The following ROBO2 variants were observed in gnomAD, a reference collection of about 807,000 sequenced individuals.
The protein encoded by ROBO2 is roundabout homolog 2.
In ROBO2, 53 loss-of-function variants were observed where a neutral mutation model predicts 160.8. That is an observed-to-expected ratio of 0.33 (90% CI 0.26 to 0.41). ROBO2 has a LOEUF of 0.41. ROBO2 is among the 10% of genes least tolerant of loss of function. ROBO2 has a pLI of 1.00. For missense variants in ROBO2, 1,577 were observed against 1,722.4 expected (o/e 0.92, Z 1.49); for synonymous variants, 664 against 611.7 (o/e 1.09, Z -1.26).
chr3:76,699,618 T>C (rs2093005333), intron 2 of ROBO2, among the ~76,000 whole-genome samples: 1 of 152,204 alleles, frequency 6.6e-6, no homozygotes, highest in African/African-American at 2.4e-5. Flanking sequence ...TAGTCCCATC[T>C]GCTCCATGTG....
intron 2 of ROBO2, among the ~76,000 whole-genome samples, chr3:76,755,241 A>G (rs2060901566): frequency 6.6e-6 from 1 of 151,846 alleles, no homozygotes; most frequent in African/African-American, 2.4e-5. Context: ...AATATTTACC[A>G]AACAGTTTTC....
intron 2 of ROBO2, among the ~76,000 whole-genome samples, chr3:75,989,857 G>T (rs1029338550): frequency 2.0e-5 from 3 of 152,204 alleles, no homozygotes; most frequent in African/African-American, 7.2e-5. Flanking sequence ...ATTGGTGGCG[G>T]TTTTGCATGT....
At chr3:76,555,257 A>T (rs201325011) in intron 2 of ROBO2, among the ~76,000 whole-genome samples, 2 of 151,808 alleles carry the variant, frequency 1.3e-5, no homozygotes, top group Non-Finnish European at 2.9e-5. Flanking sequence ...ATGTGCAGGG[A>T]TCATAAATTA....
chr3:76,141,078 A>ATAT (rs1559585714), intron 2 of ROBO2, among the ~76,000 whole-genome samples: 1 of 17,516 alleles, frequency 5.7e-5, no homozygotes, highest in Non-Finnish European at 1.4e-4. Flanking sequence ...TATATATATA[A>ATAT]AATATATGTG....
intron 7 of ROBO2, among the ~76,000 whole-genome samples, chr3:77,547,150 C>A (rs747748841): frequency 1.3e-5 from 2 of 152,054 alleles, no homozygotes; most frequent in African/African-American, 2.4e-5. Flanking sequence ...ACTGGATACA[C>A]TAGTTTTCTC....
intron 2 of ROBO2, among the ~76,000 whole-genome samples, chr3:76,984,351 C>T (rs538045029): frequency 6.6e-6 from 1 of 152,228 alleles, no homozygotes; most frequent in African/African-American, 2.4e-5. Flanking sequence ...GTAGCCAAGC[C>T]TTTTTCTAAG....
intron 2 of ROBO2, among the ~76,000 whole-genome samples, chr3:76,648,919 A>C (rs1042843935): frequency 6.6e-6 from 1 of 152,100 alleles, no homozygotes; most frequent in Non-Finnish European, 1.5e-5. Flanking sequence ...ATTCTCACTA[A>C]TCTCATCTTA....
intron 5 of ROBO2, among the ~76,000 whole-genome samples, chr3:77,501,287 C>A (rs748385984): frequency 6.6e-6 from 1 of 151,824 alleles, no homozygotes; most frequent in Non-Finnish European, 1.5e-5. Context: ...TAGGTTCTTA[C>A]ATTAACTCTA....
At chr3:77,289,700 C>A (rs1248978228) in intron 2 of ROBO2, among the ~76,000 whole-genome samples, 2 of 148,030 alleles carry the variant, frequency 1.4e-5, no homozygotes, top group Non-Finnish European at 3.0e-5. Flanking sequence ...ACACTAAAGA[C>A]ATAAAGTAAA....
intron 2 of ROBO2, among the ~76,000 whole-genome samples, chr3:77,176,922 G>A (rs1258473557): frequency 1.3e-5 from 2 of 151,758 alleles, no homozygotes; most frequent in Non-Finnish European, 2.9e-5. Flanking sequence ...TTGTAGAAAA[G>A]ACAATAAAAA....
At chr3:77,467,080 C>T (rs888024452) in intron 2 of ROBO2, among the ~76,000 whole-genome samples, 18 of 152,066 alleles carry the variant, frequency 1.2e-4, no homozygotes, top group African/African-American at 4.1e-4. Flanking sequence ...AGGAGAGAGG[C>T]GATCTGTTGG....
intron 2 of ROBO2, among the ~76,000 whole-genome samples, chr3:77,166,848 C>A (rs777127897): frequency 6.6e-6 from 1 of 152,176 alleles, no homozygotes; most frequent in Admixed American, 6.5e-5. Context: ...CGTGAGCCCC[C>A]GCGCCCGGCC....
chr3:76,657,215 G>A (rs755876359), intron 2 of ROBO2, among the ~76,000 whole-genome samples: 1 of 150,474 alleles, frequency 6.6e-6, no homozygotes, highest in East Asian at 2.0e-4. Context: ...CACGAGGTCA[G>A]GAGATCGAGA....
intron 2 of ROBO2, among the ~76,000 whole-genome samples, chr3:76,864,947 A>C (rs1263844475): frequency 6.6e-6 from 1 of 152,130 alleles, no homozygotes; most frequent in African/African-American, 2.4e-5. Flanking sequence ...TTAACAATGC[A>C]CAATATAATA....
At chr3:76,086,765 A>G (rs1393203781) in intron 2 of ROBO2, among the ~76,000 whole-genome samples, 4 of 152,170 alleles carry the variant, frequency 2.6e-5, no homozygotes, top group East Asian at 1.9e-4. Context: ...TTTAGTAACT[A>G]TGATCAATAT....
At chr3:77,415,350 A>G (rs763768487) in intron 2 of ROBO2, among the ~76,000 whole-genome samples, 7 of 152,188 alleles carry the variant, frequency 4.6e-5, no homozygotes, top group African/African-American at 1.7e-4. Context: ...ATAAACATCA[A>G]TGGTGACGTT....
intron 2 of ROBO2, among the ~76,000 whole-genome samples, chr3:76,954,432 T>A (rs1401189700): frequency 1.3e-5 from 2 of 152,210 alleles, no homozygotes; most frequent in Non-Finnish European, 2.9e-5. Flanking sequence ...TCTATTTCAG[T>A]CCAAGGATCT....
rs1293285579 is a variant in ROBO2 at position 76,037,266 on chromosome 3, T to TC, written c.109+99664_109+99665insC. Among the ~76,000 whole-genome samples the TC allele has an allele frequency of 3.3e-5, 5 of 151,102 alleles. 1 individual carries two copies. Among genetic ancestry groups the TC allele is most frequent in the African/African-American group, 1.2e-4 (5 of 40,872 alleles). On this transcript the variant is annotated intron_variant, in intron 2 of 26. Transcript: ENST00000487694. ...CATGTACATTTTCTTTTTTCTTTTT[T>TC]TTTTTTTTTTAGACAGAGTATCACT...
At chr3:76,739,575 A>G (rs1358491690) in intron 2 of ROBO2, among the ~76,000 whole-genome samples, 3 of 152,088 alleles carry the variant, frequency 2.0e-5, no homozygotes, top group African/African-American at 4.8e-5. Context: ...ATGTATACAT[A>G]TGTAACTGAC....
Sources: gnomAD v4.1 joint callset for allele counts (sites outside exome capture counted in the v4.1 genomes callset) on GRCh38, gnomAD v4.1.1 for gene constraint, MANE v1.5 for transcripts, NCBI Gene and HGNC (gene_info 2026-07-23, HGNC 2026-07-21) for gene names.